Variants in SPATA17 observed in about 807,000 individuals in gnomAD.
SPATA17 encodes spermatogenesis associated 17, also known as spermatogenesis-associated protein 17.
A neutral mutation model predicts 62.2 loss-of-function variants in SPATA17; 53 were observed. The ratio of observed to expected loss-of-function variants is 0.85; its 90% CI spans 0.68 to 1.07. The LOEUF (loss-of-function observed/expected upper bound fraction) is 1.07, where lower values mean the gene tolerates loss of function less well. SPATA17 is among the 50% of genes least tolerant of loss of function. The pLI, the probability that SPATA17 is intolerant of heterozygous loss-of-function variation, is 0.00. For synonymous variants in SPATA17, 146 were observed against 146.8 expected, an observed-to-expected ratio of 0.99 and a Z score of 0.04; for missense variants, 466 against 425.5, an observed-to-expected ratio of 1.10 and a Z score of -0.84.
intron 9 of SPATA17, among the ~76,000 whole-genome samples, chr1:217,829,627 CAAAAAAAAAA>C (rs397982930): frequency 3.2e-4 from 15 of 46,758 alleles, no homozygotes; most frequent in South Asian, 1.4e-3. Context: ...GACTCCATCT[CAAAAAAAAAA>C]AAAAAAAAAA....
chr1:217,776,712 CG>C (rs1432520632), intron 7 of SPATA17, among the ~76,000 whole-genome samples: 1 of 151,374 alleles, frequency 6.6e-6, no homozygotes, highest in Non-Finnish European at 1.5e-5. Flanking sequence ...CAACCATGAC[CG>C]TGATCTCATA....
intron 3 of SPATA17, among the ~76,000 whole-genome samples, chr1:217,661,300 A>G (rs1670563752): frequency 6.6e-6 from 1 of 151,924 alleles, no homozygotes; most frequent in Non-Finnish European, 1.5e-5. Flanking sequence ...AGAGGAGAAA[A>G]CTTATAGGAA....
chr1:217,741,937 C>G (rs769955089), intron 5 of SPATA17, 38 bp from the exon 6 acceptor site: 2 of 1,611,610 alleles, frequency 1.2e-6, no homozygotes. Flanking sequence ...AATGTTAACA[C>G]ATAGTATCAT....
chr1:217,640,884 A>G (rs956683012), intron 1 of SPATA17, among the ~76,000 whole-genome samples: 2 of 152,134 alleles, frequency 1.3e-5, no homozygotes, highest in African/African-American at 4.8e-5. Context: ...CTGGAATTAG[A>G]TAGATCTGGA....
intron 3 of SPATA17, among the ~76,000 whole-genome samples, chr1:217,666,097 C>T (rs528275280): frequency 2.8e-4 from 43 of 152,214 alleles, no homozygotes; most frequent in African/African-American, 9.6e-4. Flanking sequence ...ATAAAACCAT[C>T]TACTTCTTTT....
chr1:217,828,937 G>C (rs775789478), intron 9 of SPATA17, among the ~76,000 whole-genome samples: 1 of 152,074 alleles, frequency 6.6e-6, no homozygotes, highest in South Asian at 2.1e-4. Context: ...AAAGATAAGA[G>C]ATAACAAATG....
At chr1:217,843,373 T>A (rs1227066070) in intron 9 of SPATA17, among the ~76,000 whole-genome samples, 1 of 151,914 alleles carries the variant, frequency 6.6e-6, no homozygotes, top group Non-Finnish European at 1.5e-5. Flanking sequence ...TCTCAGCACT[T>A]TGGGAGGCTG....
chr1:217,822,165 G>T (rs1674879428), intron 9 of SPATA17, among the ~76,000 whole-genome samples: 1 of 152,020 alleles, frequency 6.6e-6, no homozygotes, highest in South Asian at 2.1e-4. Flanking sequence ...CAAATGTCTT[G>T]CAGAAAGATT....
chr1:217,678,563 A>C (rs547609375), intron 4 of SPATA17, among the ~76,000 whole-genome samples: 27 of 152,274 alleles, frequency 1.8e-4, no homozygotes, highest in African/African-American at 6.0e-4. Flanking sequence ...TAGTGGCATT[A>C]AGGTTACTAT....
At chr1:217,750,914 C>A (rs1672889418) in intron 6 of SPATA17, among the ~76,000 whole-genome samples, 1 of 152,146 alleles carries the variant, frequency 6.6e-6, no homozygotes, top group Non-Finnish European at 1.5e-5. Context: ...AAAGCTGGGG[C>A]ATCCTCAGTA....
intron 5 of SPATA17, among the ~76,000 whole-genome samples, chr1:217,693,561 C>G (rs1334382721): frequency 2.3e-5 from 3 of 129,406 alleles, no homozygotes. Flanking sequence ...TCTTGCTTTT[C>G]TAGTTCTTTT....
At chr1:217,702,994 A>C (rs1324298625) in intron 5 of SPATA17, among the ~76,000 whole-genome samples, 1 of 149,970 alleles carries the variant, frequency 6.7e-6, no homozygotes, top group Non-Finnish European at 1.5e-5. Flanking sequence ...CTTCTGCCTC[A>C]GCCTCCTGAG....
At chr1:217,675,249 TC>T (rs1670921319) in intron 4 of SPATA17, among the ~76,000 whole-genome samples, 1 of 152,180 alleles carries the variant, frequency 6.6e-6, no homozygotes, top group African/African-American at 2.4e-5. Flanking sequence ...ACTTATTTTT[TC>T]CTAAATGGGA....
chr1:217,866,026 T>G (rs1000994139), intron 10 of SPATA17, among the ~76,000 whole-genome samples: 10 of 152,184 alleles, frequency 6.6e-5, no homozygotes, highest in African/African-American at 1.7e-4. Flanking sequence ...GCACCTGGAC[T>G]GGGAAAGGGG....
chr1:217,669,150 A>G, intron 4 of SPATA17, 67 bp downstream of exon 4: 1 of 1,414,360 alleles, frequency 7.1e-7, no homozygotes, highest in Non-Finnish European at 9.9e-7. Flanking sequence ...TTTTAATAAA[A>G]TGAGCAAAGC....
chr1:217,773,508 G>A (rs768568064), intron 6 of SPATA17, among the ~76,000 whole-genome samples: 11 of 152,012 alleles, frequency 7.2e-5, no homozygotes, highest in South Asian at 4.1e-4. Context: ...TCAAAATTTC[G>A]TTCTATGCAG....
chr1:217,766,092 C>A (rs1000420977), intron 6 of SPATA17, among the ~76,000 whole-genome samples: 4 of 151,822 alleles, frequency 2.6e-5, no homozygotes, highest in South Asian at 2.1e-4. Context: ...ATAATTGGGT[C>A]TTCTTTTTTT....
At position 217,771,376 on chromosome 1, in the gene SPATA17, G is replaced by C. The variant is rs551940685; in HGVS notation, c.520-2958G>C. Among the ~76,000 whole-genome samples, 5 of 152,074 alleles carry C rather than the reference G, an allele frequency of 3.3e-5. No individual in the cohort carries two copies. The East Asian group carries it at 9.7e-4, about 29-fold the overall frequency. On this transcript the variant is annotated intron_variant, in intron 6 of 10. Coordinates refer to ENST00000366933, the MANE Select transcript of SPATA17 (RefSeq NM_138796.4). Reference sequence around the variant, plus strand: ...AACTGAAAAATATACCATAGTCCCTGAGGATTAACCCTGTCTTTTGTGACT... The same window carrying C: ...AACTGAAAAATATACCATAGTCCCTCAGGATTAACCCTGTCTTTTGTGACT...
chr1:217,839,760 T>C (rs575105583), intron 9 of SPATA17, among the ~76,000 whole-genome samples: 9 of 152,000 alleles, frequency 5.9e-5, no homozygotes, highest in Admixed American at 5.2e-4. Flanking sequence ...TAGTTGGTGG[T>C]TAGGTGACTA....
Sources: allele counts gnomAD v4.1 joint callset (sites outside exome capture counted in the v4.1 genomes callset), GRCh38; gene constraint gnomAD v4.1.1; transcripts MANE v1.5; gene names NCBI Gene and HGNC (gene_info 2026-07-23, HGNC 2026-07-21).